Variants in ARHGAP29 observed in about 807,000 individuals in gnomAD.
ARHGAP29 encodes the protein Rho GTPase activating protein 29.
ARHGAP29 carries 43 observed loss-of-function variants against 122.6 expected under a neutral mutation model. The observed-to-expected ratio is 0.35, with a 90% confidence interval of 0.27 to 0.45. The LOEUF is 0.45. Ranked by LOEUF, ARHGAP29 falls within the 20% of genes least tolerant of loss-of-function variation. The probability of loss-of-function intolerance (pLI) is 1.00; values close to 1 mark genes in which losing one functional copy is unlikely to be tolerated. For missense variants in ARHGAP29, 1,303 were observed against 1,477.2 expected (o/e 0.88, Z 1.93); for synonymous variants, 506 against 497.1 (o/e 1.02, Z -0.24).
chr1:94,206,951 T>TA (rs975323697), intron 5 of ARHGAP29, among the ~76,000 whole-genome samples: 3 of 149,962 alleles, frequency 2.0e-5, no homozygotes, highest in African/African-American at 7.3e-5. Context: ...GCAATATATA[T>TA]ATTCAAATGA....
chr1:94,287,419 T>C, the ARHGAP29 span, among the ~76,000 whole-genome samples: 1 of 152,100 alleles, frequency 6.6e-6, no homozygotes, highest in Non-Finnish European at 1.5e-5. Context: ...TTGCTTCCCC[T>C]TTCCCTTCCA....
chr1:94,214,754 G>A (rs1651852799), intron 3 of ARHGAP29, among the ~76,000 whole-genome samples: 1 of 152,070 alleles, frequency 6.6e-6, no homozygotes, highest in African/African-American at 2.4e-5. Flanking sequence ...CCAATACCAA[G>A]TCCTAAGACA....
chr1:94,249,336 G>A (rs1653986517), intron 1 of ARHGAP29: 1 of 152,186 alleles, frequency 6.6e-6, no homozygotes, highest in African/African-American at 2.4e-5. Context: ...ATGTGGTATT[G>A]TTATTTTATA....
chr1:94,224,904 G>T (rs948921472), intron 2 of ARHGAP29, among the ~76,000 whole-genome samples: 3 of 152,034 alleles, frequency 2.0e-5, no homozygotes, highest in Non-Finnish European at 4.4e-5. Context: ...AATTATTTTC[G>T]TAAGAAGTTT....
chr1:94,266,017 T>G (rs1032806398), intron 1 of ARHGAP29, among the ~76,000 whole-genome samples: 5 of 152,186 alleles, frequency 3.3e-5, no homozygotes, highest in African/African-American at 1.2e-4. Context: ...AAACATTGCT[T>G]TTGTTTCTGG....
At chr1:94,209,083 T>G (rs142691086) in intron 4 of ARHGAP29, among the ~76,000 whole-genome samples, 171 bp downstream of exon 4, 2 of 152,324 alleles carry the variant, frequency 1.3e-5, no homozygotes, top group Admixed American at 1.3e-4. Flanking sequence ...TAAATAGCTA[T>G]AAAAATATCT....
At chr1:94,223,490 G>A (rs1380187274) in intron 2 of ARHGAP29, among the ~76,000 whole-genome samples, 6 of 151,956 alleles carry the variant, frequency 3.9e-5, no homozygotes, top group East Asian at 3.9e-4. Flanking sequence ...AACACATAAC[G>A]CACTTAGAAC....
At chr1:94,309,789 G>C in the ARHGAP29 span, among the ~76,000 whole-genome samples, 1 of 152,136 alleles carries the variant, frequency 6.6e-6, no homozygotes, top group African/African-American at 2.4e-5. Flanking sequence ...GAGGGCAGAA[G>C]AAGAAACTCC....
rs1322465276 is a variant in ARHGAP29, at chr1:94,174,706, G to C, written c.2949C>G (p.Ser983=). 1 of 1,613,934 alleles carries C rather than the reference G, an allele frequency of 6.2e-7. No homozygotes were observed. The highest frequency in any genetic ancestry group is 8.5e-7 in the Non-Finnish European group (1 of 1,180,008). ...LLLDQEAESA[S]QKIEDGKTPK... ...GGGTTTTACCATCTTCTATCTTTTG[G>C]GATGCTGATTCAGCCTCTTGGTCTA... is the stretch of plus-strand genomic sequence containing the variant. Residue 983 remains serine, a synonymous_variant, in exon 23 of 23, where the codon TCC becomes TCG. Transcript: ENST00000260526.
At chr1:94,287,381 T>C in the ARHGAP29 span, among the ~76,000 whole-genome samples, 2 of 152,040 alleles carry the variant, frequency 1.3e-5, no homozygotes, top group Non-Finnish European at 2.9e-5. Flanking sequence ...TCTTGCTAGC[T>C]CTGTCTTTCC....
chr1:94,272,606 T>C (rs1312930545), intron 1 of ARHGAP29, among the ~76,000 whole-genome samples: 1 of 152,356 alleles, frequency 6.6e-6, no homozygotes, highest in South Asian at 2.1e-4. Context: ...ATGCCTAACA[T>C]GACACTCCTC....
chr1:94,249,090 T>C (rs1653974994), intron 1 of ARHGAP29, among the ~76,000 whole-genome samples: 1 of 152,268 alleles, frequency 6.6e-6, no homozygotes, highest in Non-Finnish European at 1.5e-5. Flanking sequence ...TAAATGGCTG[T>C]GTTTGGCAAA....
At position 94,170,609 on chromosome 1, in the gene ARHGAP29, T is replaced by C. The variant is rs1034260558; in HGVS notation, c.*3260A>G. 7.2e-5 allele frequency among the ~76,000 whole-genome samples: 11 copies of C among 152,176 alleles called. No homozygotes were observed. The highest frequency in any genetic ancestry group is 2.2e-4 in the African/African-American group (9 of 41,452). On this transcript the variant is annotated 3_prime_UTR_variant, in exon 23 of 23. Transcript: ENST00000260526. ...GTTTGATGGTTGTACTATGGTTACG[T>C]AGGAATGCCCTTGTCTTAAGGAAAC...
In ARHGAP29 at chr1:94,174,389, C is replaced by T; in HGVS notation, c.3266G>A (p.Ser1089Asn). 1 of 1,614,126 alleles carries T rather than the reference C, an allele frequency of 6.2e-7. No individual in the cohort carries two copies. ...KIQDKQYEQN[S>N]LTAKTTMIMP... ...GATCATTGTAGTCTTGGCAGTTAGG[C>T]TGTTTTGTTCATACTGTTTGTCCTG... is the stretch of plus-strand genomic sequence containing the variant. The change falls in exon 23 of 23, where the codon AGC becomes AAC. Residue 1089 changes from serine (S) to asparagine (N), a missense_variant. Physicochemically the swap from Ser to Asn is conservative, Grantham distance 46. This residue lies in a region of ARHGAP29 where 620 missense variants were observed against 651.2 expected (regional missense o/e 0.95). Transcript: ENST00000260526.
the ARHGAP29 span, among the ~76,000 whole-genome samples, chr1:94,288,212 CATT>C: frequency 6.6e-6 from 1 of 152,202 alleles, no homozygotes. Context: ...GATAGTATCT[CATT>C]GTGGTTTTGA....
At chr1:94,254,476 G>C (rs769828958) in intron 1 of ARHGAP29, among the ~76,000 whole-genome samples, 7 of 152,210 alleles carry the variant, frequency 4.6e-5, no homozygotes, top group Non-Finnish European at 1.0e-4. Context: ...GAGTTAGCCT[G>C]AATTGGCTGC....
chr1:94,184,552 T>C (rs1258580000), intron 18 of ARHGAP29, among the ~76,000 whole-genome samples: 8 of 152,130 alleles, frequency 5.3e-5, no homozygotes, highest in Admixed American at 5.2e-4. Flanking sequence ...AAGACCAGCC[T>C]GGGCAACATA....
chr1:94,184,980 G>A lies in ARHGAP29; in HGVS notation c.2001C>T (p.His667=). The A allele has an allele frequency of 6.2e-7, 1 of 1,613,396 alleles. No homozygotes were observed. ...CGHQKLPGKI[H]LFGAEFTQVA... Reference sequence around the variant, plus strand: ...CTTGTGTGAATTCTGCTCCAAATAAGTGTATTTTTCCTGGAAGTTTCTGAT... The same window carrying A: ...CTTGTGTGAATTCTGCTCCAAATAAATGTATTTTTCCTGGAAGTTTCTGAT... Residue 667 remains histidine, a synonymous_variant, in exon 18 of 23, where the codon CAC becomes CAT. Transcript: ENST00000260526.
In ARHGAP29 at chr1:94,173,281, T is replaced by C. The variant is rs1648861840; in HGVS notation, c.*588A>G. The C allele has an allele frequency of 6.6e-6, 1 of 152,656 alleles. No homozygotes were observed. The highest frequency in any genetic ancestry group is 1.5e-5 in the Non-Finnish European group (1 of 68,058). The allele number at this position is 152,656 out of a possible 1,614,324, so 9.5% of individuals were successfully genotyped here. A position where few individuals can be genotyped will look rare whatever the true frequency, so the allele number is the denominator to read the frequency against. ...TAATTAAAATGCAATTAAATACAGATTTGCAAGCCTTCTGGCCATTATGTA... is the reference window on the plus strand; with the variant it reads ...TAATTAAAATGCAATTAAATACAGACTTGCAAGCCTTCTGGCCATTATGTA... On this transcript the variant is annotated 3_prime_UTR_variant, in exon 23 of 23. Transcript: ENST00000260526.
Sources: allele counts gnomAD v4.1 joint callset (sites outside exome capture counted in the v4.1 genomes callset), GRCh38; gene constraint gnomAD v4.1.1; regional missense constraint gnomAD v4.1.1; transcripts MANE v1.5; gene names NCBI Gene and HGNC (gene_info 2026-07-23, HGNC 2026-07-21).